Variants in VPREB3 observed in about 807,000 individuals in gnomAD.
VPREB3 encodes pre-B lymphocyte protein 3.
A neutral mutation model predicts 12.9 loss-of-function variants in VPREB3; 14 were observed. The ratio of observed to expected loss-of-function variants is 1.09; its 90% CI spans 0.72 to 1.70. VPREB3 has a LOEUF of 1.70. Among genes scored for constraint, VPREB3 ranks in the 40% most tolerant of loss-of-function variants. The pLI is 0.00. For missense variants in VPREB3, 165 were observed against 159.6 expected (o/e 1.03, Z -0.18); for synonymous variants, 78 against 70.1 (o/e 1.11, Z -0.56).
chr22:23,753,315 G>A (rs1352217142), intron 1 of VPREB3, 117 bp from the exon 2 acceptor site: 1 of 1,114,030 alleles, frequency 9.0e-7, no homozygotes, highest in African/African-American at 1.6e-5. Flanking sequence ...CCAGTGCTAT[G>A]GGATTAGCAA....
rs1259160472 is a variant in VPREB3 at position 23,754,402 on chromosome 22, A to G, written c.-39T>C. ...GAGGCAGGCAAGTAGAAGTTCTGCA[A>G]GGCTATATGCTCCAGGTGCTTTGGG... On this transcript the variant is annotated 5_prime_UTR_variant, in exon 1 of 2. Coordinates refer to ENST00000248948, the MANE Select transcript of VPREB3 (RefSeq NM_013378.3). 2 of 1,590,472 alleles carry G rather than the reference A, an allele frequency of 1.3e-6. No homozygotes were observed. Among genetic ancestry groups the G allele is most frequent in the East Asian group, 2.3e-5 (1 of 44,086 alleles).
At position 23,752,800 on chromosome 22, in the gene VPREB3, A is replaced by G; in HGVS notation, c.*76T>C. On this transcript the variant is annotated 3_prime_UTR_variant, in exon 2 of 2. Transcript: ENST00000248948. ...TTTACAGAGGGGAAGCAAGGCTCAGAGAAAGTTTAAAAGGGACCCAAGGTC... is the reference window on the plus strand; with the variant it reads ...TTTACAGAGGGGAAGCAAGGCTCAGGGAAAGTTTAAAAGGGACCCAAGGTC... The G allele has an allele frequency of 7.0e-7, 1 of 1,420,556 alleles. No homozygotes were observed. Among genetic ancestry groups the G allele is most frequent in the South Asian group, 1.3e-5 (1 of 76,872 alleles). The allele number at this position is 1,420,556 out of a possible 1,614,324, so 88.0% of individuals were successfully genotyped here.
rs577311830 is a variant in VPREB3 at position 23,754,254 on chromosome 22, T to A, written c.49+61A>T. The stretch of plus-strand genomic sequence containing the variant: ...TCGATTTGCCTCCTTGCAGGGGCCT[T>A]CTGGGGCCAGTACTGTTCCCCACCC... On this transcript the variant is annotated intron_variant, in intron 1 of 1. Transcript: ENST00000248948. The A allele has an allele frequency of 1.3e-4, 208 of 1,545,002 alleles. 1 individual carries two copies. The African/African-American group carries it at 2.4e-3, about 18-fold the overall frequency.
rs751380711 is a variant in VPREB3 at position 23,753,057 on chromosome 22, G to A, written c.191C>T (p.Ala64Val). The change falls in exon 2 of 2, where the codon GCC becomes GTC. Residue 64 changes from alanine (A) to valine (V), a missense_variant. Transcript: ENST00000248948. ...VSWYQQRAGS[A>V]PRYLLYYRSE... ...GCGGTAGTAGAGGAGATATCGAGGG[G>A]CACTGCCTGCCCGCTGCTGGTACCA... 4 of 1,614,044 alleles carry A rather than the reference G, an allele frequency of 2.5e-6. No homozygotes were observed. The highest frequency in any genetic ancestry group is 3.4e-6 in the Non-Finnish European group (4 of 1,180,034).
chr22:23,754,399 G>A lies in VPREB3; in HGVS notation c.-36C>T, dbSNP rs1358858901. On this transcript the variant is annotated 5_prime_UTR_variant, in exon 1 of 2. Transcript: ENST00000248948. ...AGGGAGGCAGGCAAGTAGAAGTTCT[G>A]CAAGGCTATATGCTCCAGGTGCTTT... is the stretch of plus-strand genomic sequence containing the variant. 6.3e-7 allele frequency: 1 copy of A among 1,593,796 alleles called. No individual in the cohort carries two copies. The highest frequency in any genetic ancestry group is 8.5e-7 in the Non-Finnish European group (1 of 1,169,922).
chr22:23,752,895 C>G lies in VPREB3; in HGVS notation c.353G>C (p.Gly118Ala), dbSNP rs765949621. ...CCACCCCTAGGGACTAAAGCCGTAGCCAACAGAGCAGTAGTAATCCGCGTC... is the reference window on the plus strand; with the variant it reads ...CCACCCCTAGGGACTAAAGCCGTAGGCAACAGAGCAGTAGTAATCCGCGTC... ...EDDADYYCSVGYGFSP is the reference protein window; with the variant it reads ...EDDADYYCSVAYGFSP Residue 118 changes from glycine (G) to alanine (A), a missense_variant, in exon 2 of 2, where the codon GGC (glycine) becomes GCC (alanine). By Grantham distance (60) the Gly-to-Ala change is moderately conservative. Coordinates refer to ENST00000248948, the MANE Select transcript of VPREB3 (RefSeq NM_013378.3). 5 of 1,612,288 alleles carry G rather than the reference C, an allele frequency of 3.1e-6. No homozygotes were observed. In the Admixed American group the frequency reaches 8.3e-5, roughly 27 times the overall value.
chr22:23,754,088 C>T (rs1925440648), intron 1 of VPREB3, among the ~76,000 whole-genome samples: 2 of 151,916 alleles, frequency 1.3e-5, no homozygotes, highest in South Asian at 2.1e-4. Flanking sequence ...GACGCTGAGG[C>T]AGAAGAATCG....
At position 23,752,935 on chromosome 22, in the gene VPREB3, C is replaced by A; in HGVS notation, c.313G>T (p.Val105Leu). Residue 105 changes from valine to leucine, a missense_variant, in exon 2 of 2, where the codon GTG becomes TTG. Transcript: ENST00000248948. The stretch of plus-strand genomic sequence containing the variant: ...TAATCCGCGTCGTCTTCAGGCTGCA[C>A]GGGACTAATGGTGAGGACACAGGCA... ...HNACVLTISP[V>L]QPEDDADYYC... The A allele has an allele frequency of 1.9e-6, 3 of 1,614,116 alleles. No homozygotes were observed. Among genetic ancestry groups the A allele is most frequent in the Non-Finnish European group, 2.5e-6 (3 of 1,180,020 alleles).
rs761622576 is a variant in VPREB3 at position 23,753,122 on chromosome 22, G to C, written c.126C>G (p.Leu42=). Residue 42 remains leucine (L), a synonymous_variant, in exon 2 of 2, where the codon CTC becomes CTG. Coordinates refer to ENST00000248948, the MANE Select transcript of VPREB3 (RefSeq NM_013378.3). ...CCCTGATGGTGACGTGCTGGGGGCTGAGCGTGCAGGAGAGTTGAGCCACTT... is the reference window on the plus strand; with the variant it reads ...CCCTGATGGTGACGTGCTGGGGGCTCAGCGTGCAGGAGAGTTGAGCCACTT... The part of the protein sequence containing the change: ...PGQVAQLSCT[L]SPQHVTIRDY... The C allele has an allele frequency of 1.7e-5, 27 of 1,613,472 alleles. No homozygotes were observed. In the East Asian group the frequency reaches 5.8e-4, roughly 35 times the overall value.
At position 23,752,931 on chromosome 22, in the gene VPREB3, T is replaced by G; in HGVS notation, c.317A>C (p.Gln106Pro). ...GTAGTAATCCGCGTCGTCTTCAGGC[T>G]GCACGGGACTAATGGTGAGGACACA... is the stretch of plus-strand genomic sequence containing the variant. ...NACVLTISPV[Q>P]PEDDADYYCS... Residue 106 changes from glutamine to proline, a missense_variant, in exon 2 of 2, where the codon CAG becomes CCG. By Grantham distance (76) the Gln-to-Pro change is moderately conservative (BLOSUM62 -1). Coordinates refer to ENST00000248948, the MANE Select transcript of VPREB3 (RefSeq NM_013378.3). The G allele has an allele frequency of 6.2e-7, 1 of 1,614,176 alleles. No homozygotes were observed. The highest frequency in any genetic ancestry group is 8.5e-7 in the Non-Finnish European group (1 of 1,180,030).
Position 23,754,302 on chromosome 22 carries a change from A to G in VPREB3, c.49+13T>C, listed in dbSNP as rs780449579. On this transcript the variant is annotated intron_variant, in intron 1 of 1. Transcript: ENST00000248948. Reference sequence around the variant, plus strand: ...CCCCACACCCAGGTGACTGAGGCCCAGGAAAGATTCACCTGACAGGAAGGT... The same window carrying G: ...CCCCACACCCAGGTGACTGAGGCCCGGGAAAGATTCACCTGACAGGAAGGT... The G allele has an allele frequency of 8.1e-6, 13 of 1,595,934 alleles. No homozygotes were observed. In the South Asian group the frequency reaches 1.4e-4, roughly 17 times the overall value.
intron 1 of VPREB3, among the ~76,000 whole-genome samples, 156 bp downstream of exon 1, chr22:23,754,159 G>A (rs1925442702): frequency 6.6e-6 from 1 of 150,782 alleles, no homozygotes; most frequent in Non-Finnish European, 1.5e-5. Flanking sequence ...TCCAGCCTGG[G>A]CAACAAGAGC....
At position 23,753,022 on chromosome 22, in the gene VPREB3, C is replaced by A. The variant is rs1569137852; in HGVS notation, c.226G>T (p.Asp76Tyr). Residue 76 changes from aspartate to tyrosine, a missense_variant, in exon 2 of 2, where the codon GAT becomes TAT. Physicochemically the swap from Asp to Tyr is radical, Grantham distance 160 (BLOSUM62 -3). Coordinates refer to ENST00000248948, the MANE Select transcript of VPREB3 (RefSeq NM_013378.3). ...RYLLYYRSEE[D>Y]HHRPADIPDR... ...GGGATGTCAGCAGGCCGGTGGTGAT[C>A]CTCCTCCGAGCGGTAGTAGAGGAGA... is the stretch of plus-strand genomic sequence containing the variant. 6.2e-7 allele frequency: 1 copy of A among 1,614,128 alleles called. No homozygotes were observed.
intron 1 of VPREB3, among the ~76,000 whole-genome samples, chr22:23,753,571 T>A (rs890739142): frequency 1.3e-5 from 2 of 152,092 alleles, no homozygotes; most frequent in Non-Finnish European, 2.9e-5. Flanking sequence ...CCCCGCCCAC[T>A]TCACTTCAGC....
chr22:23,752,889 C>A lies in VPREB3; in HGVS notation c.359G>T (p.Gly120Val). ...CACACCCCACCCCTAGGGACTAAAGCCGTAGCCAACAGAGCAGTAGTAATC... is the reference window on the plus strand; with the variant it reads ...CACACCCCACCCCTAGGGACTAAAGACGTAGCCAACAGAGCAGTAGTAATC... ...DADYYCSVGY[G>V]FSP The change falls in exon 2 of 2, where the codon GGC (glycine) becomes GTC (valine). Residue 120 changes from glycine to valine, a missense_variant. Coordinates refer to ENST00000248948, the MANE Select transcript of VPREB3 (RefSeq NM_013378.3). 6.2e-7 allele frequency: 1 copy of A among 1,611,498 alleles called. No individual in the cohort carries two copies.
At position 23,753,119 on chromosome 22, in the gene VPREB3, G is replaced by T. The variant is rs773973718; in HGVS notation, c.129C>A (p.Ser43Arg). The T allele has an allele frequency of 6.2e-7, 1 of 1,613,754 alleles. No individual in the cohort carries two copies. The highest frequency in any genetic ancestry group is 2.2e-5 in the East Asian group (1 of 44,872). Residue 43 changes from serine (S) to arginine (R), a missense_variant, in exon 2 of 2, where the codon AGC becomes AGA. Coordinates refer to ENST00000248948, the MANE Select transcript of VPREB3 (RefSeq NM_013378.3). The stretch of plus-strand genomic sequence containing the variant: ...AGTCCCTGATGGTGACGTGCTGGGG[G>T]CTGAGCGTGCAGGAGAGTTGAGCCA... The part of the protein sequence containing the change: ...GQVAQLSCTL[S>R]PQHVTIRDYG...
At position 23,753,115 on chromosome 22, in the gene VPREB3, G is replaced by A; in HGVS notation, c.133C>T (p.Gln45Ter). The change falls in exon 2 of 2, where the codon CAG (glutamine) becomes TAG (stop). Residue 45 changes from glutamine to a stop codon, truncating the protein, a stop_gained. Coordinates refer to ENST00000248948, the MANE Select transcript of VPREB3 (RefSeq NM_013378.3). LOFTEE classifies it high-confidence loss of function. ...CCGTAGTCCCTGATGGTGACGTGCT[G>A]GGGGCTGAGCGTGCAGGAGAGTTGA... ...VAQLSCTLSP[Q>*]HVTIRDYGVS... is the part of the protein sequence containing the mutation. The A allele has an allele frequency of 6.2e-7, 1 of 1,613,906 alleles. No individual in the cohort carries two copies. The highest frequency in any genetic ancestry group is 8.5e-7 in the Non-Finnish European group (1 of 1,179,936).
Position 23,754,309 on chromosome 22 carries a change from A to G in VPREB3, c.49+6T>C. On this transcript the variant is annotated splice_donor_region_variant and intron_variant, in intron 1 of 1. Transcript: ENST00000248948. The stretch of plus-strand genomic sequence containing the variant: ...CCCAGGTGACTGAGGCCCAGGAAAG[A>G]TTCACCTGACAGGAAGGTCCCCATC... 1.9e-6 allele frequency: 3 copies of G among 1,600,904 alleles called. No homozygotes were observed. The highest frequency in any genetic ancestry group is 2.6e-6 in the Non-Finnish European group (3 of 1,173,956).
At position 23,752,798 on chromosome 22, in the gene VPREB3, A is replaced by G; in HGVS notation, c.*78T>C. On this transcript the variant is annotated 3_prime_UTR_variant, in exon 2 of 2. Coordinates refer to ENST00000248948, the MANE Select transcript of VPREB3 (RefSeq NM_013378.3). ...ATTTTACAGAGGGGAAGCAAGGCTC[A>G]GAGAAAGTTTAAAAGGGACCCAAGG... The G allele has an allele frequency of 7.1e-7, 1 of 1,399,454 alleles. No individual in the cohort carries two copies. The allele number at this position is 1,399,454 out of a possible 1,614,324, so 86.7% of individuals were successfully genotyped here. A position where few individuals can be genotyped will look rare whatever the true frequency, so the allele number is the denominator to read the frequency against.
Sources: allele counts gnomAD v4.1 joint callset (sites outside exome capture counted in the v4.1 genomes callset), GRCh38; gene constraint gnomAD v4.1.1; transcripts MANE v1.5; gene names NCBI Gene and HGNC (gene_info 2026-07-23, HGNC 2026-07-21).